WWOX: variants seen among roughly 807,000 people sequenced by gnomAD.
WWOX encodes WW domain containing oxidoreductase.
In WWOX, 69 loss-of-function variants were observed where a neutral mutation model predicts 46.2. The observed-to-expected ratio is 1.49, with a 90% CI of 1.23 to 1.82. The LOEUF is 1.82. Ranked by LOEUF, WWOX falls within the 40% of genes most tolerant of loss-of-function variation. WWOX has a pLI of 0.00. For synonymous variants in WWOX, 359 were observed against 202.6 expected, an observed-to-expected ratio of 1.77 and a Z score of -6.56; for missense variants, 919 against 542.6, an observed-to-expected ratio of 1.69 and a Z score of -6.89.
chr16:79,114,601 G>A (rs577622737), intron 8 of WWOX, among the ~76,000 whole-genome samples: 7 of 152,102 alleles, frequency 4.6e-5, no homozygotes, highest in Admixed American at 2.6e-4. Context: ...GGAGCGCAGC[G>A]CCAGAGACAC....
Position 78,129,151 on chromosome 16 carries a change from T to C in WWOX, c.409+13997T>C, listed in dbSNP as rs114528637. Reference sequence around the variant, plus strand: ...ACGAGGACCTTTTTCCTCCCAGGGTTAGCGTCGCCACTTGCCCAGTGTTTC... The same window carrying C: ...ACGAGGACCTTTTTCCTCCCAGGGTCAGCGTCGCCACTTGCCCAGTGTTTC... On this transcript the variant is annotated intron_variant, in intron 4 of 8. Coordinates refer to ENST00000566780, the MANE Select transcript of WWOX (RefSeq NM_016373.4). 8.2e-3 allele frequency among the ~76,000 whole-genome samples: 1,255 copies of C among 152,264 alleles called. 15 individuals are homozygous for C. The highest frequency in any genetic ancestry group is 0.029 in the African/African-American group (1,189 of 41,524).
intron 8 of WWOX, among the ~76,000 whole-genome samples, chr16:78,568,013 C>T (rs1597280295): frequency 6.6e-6 from 1 of 152,010 alleles, no homozygotes; most frequent in East Asian, 1.9e-4. Flanking sequence ...GTTCACTACT[C>T]CGCGAATTGA....
At chr16:79,012,340 C>A (rs929888241) in intron 8 of WWOX, among the ~76,000 whole-genome samples, 2 of 152,100 alleles carry the variant, frequency 1.3e-5, no homozygotes, top group African/African-American at 4.8e-5. Context: ...TCAAGTAATT[C>A]TCCTACCTCA....
chr16:79,058,145 C>T (rs1257814882), intron 8 of WWOX, among the ~76,000 whole-genome samples: 1 of 149,452 alleles, frequency 6.7e-6, no homozygotes, highest in Non-Finnish European at 1.5e-5. Flanking sequence ...AAAAAAACTC[C>T]TTCTTCATTT....
intron 8 of WWOX, among the ~76,000 whole-genome samples, chr16:79,011,070 T>C (rs1364893346): frequency 6.6e-6 from 1 of 152,012 alleles, no homozygotes; most frequent in Non-Finnish European, 1.5e-5. Context: ...TAAGTATACC[T>C]TTATATATGT....
intron 5 of WWOX, among the ~76,000 whole-genome samples, chr16:78,336,349 C>T (rs1395080407): frequency 7.2e-6 from 1 of 138,146 alleles, no homozygotes; most frequent in Non-Finnish European, 1.5e-5. Context: ...AAAAAAAAAC[C>T]ACAACAAATT....
rs142099757 is a variant in WWOX at position 78,529,260 on chromosome 16, C to G, written c.1056+96508C>G. On this transcript the variant is annotated intron_variant, in intron 8 of 8. Transcript: ENST00000566780. ...ATGAGCTACTGTACCCGACCAAGAA[C>G]TTTCTATTATATAGATTTTAATTAA... Among the ~76,000 whole-genome samples the G allele has an allele frequency of 5.4e-3, 817 of 152,230 alleles. 9 individuals are homozygous for G. Among genetic ancestry groups the G allele is most frequent in the African/African-American group, 0.019 (790 of 41,538 alleles).
chr16:78,713,466 A>G (rs920465031), intron 8 of WWOX, among the ~76,000 whole-genome samples: 2 of 152,070 alleles, frequency 1.3e-5, no homozygotes, highest in African/African-American at 4.8e-5. Context: ...ATGAAGCCCT[A>G]ATTCACAGTA....
rs545429478 is a variant in WWOX, at chr16:78,911,341, T to G, written c.1057-300267T>G. ...TTGACCTTTACCATAAATCACATAT[T>G]TGTAAACTGTACCCTCCTGCTGTTT... is the stretch of plus-strand genomic sequence containing the variant. On this transcript the variant is annotated intron_variant, in intron 8 of 8. Transcript: ENST00000566780. Among the ~76,000 whole-genome samples the G allele has an allele frequency of 2.6e-5, 4 of 152,184 alleles. 1 individual carries two copies. The highest frequency in any genetic ancestry group is 7.2e-5 in the African/African-American group (3 of 41,574).
At chr16:78,854,110 A>T (rs1007996899) in intron 8 of WWOX, among the ~76,000 whole-genome samples, 1 of 152,214 alleles carries the variant, frequency 6.6e-6, no homozygotes, top group African/African-American at 2.4e-5. Flanking sequence ...GTTTTTACAT[A>T]GTAGTGACTT....
At chr16:78,227,736 G>A (rs756976262) in intron 5 of WWOX, among the ~76,000 whole-genome samples, 15 of 152,070 alleles carry the variant, frequency 9.9e-5, no homozygotes, top group African/African-American at 3.4e-4. Flanking sequence ...AATTAGCCAG[G>A]TGCGGTGGCG....
At chr16:78,530,804 GCT>G (rs1481031822) in intron 8 of WWOX, among the ~76,000 whole-genome samples, 4 of 152,174 alleles carry the variant, frequency 2.6e-5, no homozygotes, top group African/African-American at 9.7e-5. Context: ...TTGGCATCTA[GCT>G]GCTGCTAGAG....
intron 8 of WWOX, among the ~76,000 whole-genome samples, chr16:79,116,112 G>A (rs2049510892): frequency 6.6e-6 from 1 of 152,200 alleles, no homozygotes; most frequent in Non-Finnish European, 1.5e-5. Context: ...ACTAAAAAAT[G>A]CTAATGATCA....
At chr16:78,960,680 G>T (rs1567440022) in intron 8 of WWOX, among the ~76,000 whole-genome samples, 1 of 152,162 alleles carries the variant, frequency 6.6e-6, no homozygotes, top group Non-Finnish European at 1.5e-5. Context: ...GGGACAATAG[G>T]TCCCTGTGCC....
At chr16:78,306,478 C>T (rs1013358486) in intron 5 of WWOX, among the ~76,000 whole-genome samples, 3 of 152,138 alleles carry the variant, frequency 2.0e-5, no homozygotes, top group African/African-American at 7.2e-5. Context: ...GGGCACCTTT[C>T]CCAAAGGCAG....
Position 78,386,925 on chromosome 16 carries a change from T to G in WWOX, c.582T>G (p.Ala194=). 1.2e-6 allele frequency: 2 copies of G among 1,614,166 alleles called. No homozygotes were observed. The highest frequency in any genetic ancestry group is 2.7e-5 in the African/African-American group (2 of 75,058). The change falls in exon 6 of 9, where the codon GCT becomes GCG. Residue 194 remains alanine (A), a synonymous_variant. Coordinates refer to ENST00000566780, the MANE Select transcript of WWOX (RefSeq NM_016373.4). ...TGCTCCGTAGCGTGCAGCATTTTGC[T>G]GAAGCATTCAAGGCCAAGAATGTGT... The part of the protein sequence containing the change: ...LALLRSVQHF[A]EAFKAKNVPL...
chr16:78,502,261 G>A (rs1211260420), intron 8 of WWOX, among the ~76,000 whole-genome samples: 1 of 152,090 alleles, frequency 6.6e-6, no homozygotes, highest in Non-Finnish European at 1.5e-5. Flanking sequence ...TGTATTCAGA[G>A]TTTGCATCCA....
At chr16:79,117,839 C>A (rs2049548316) in intron 8 of WWOX, among the ~76,000 whole-genome samples, 2 of 152,346 alleles carry the variant, frequency 1.3e-5, no homozygotes, top group South Asian at 4.1e-4. Flanking sequence ...CCCTCTCAGC[C>A]TTCACACAAT....
chr16:78,416,662 A>G (rs28620932), intron 6 of WWOX, among the ~76,000 whole-genome samples: 13,106 of 152,260 alleles, frequency 0.086, 1,618 homozygotes, highest in African/African-American at 0.28. Context: ...CATTGTTGTT[A>G]TTGAGAAGTA....
Sources: allele counts gnomAD v4.1 joint callset (sites outside exome capture counted in the v4.1 genomes callset), GRCh38; gene constraint gnomAD v4.1.1; transcripts MANE v1.5; gene names NCBI Gene and HGNC (gene_info 2026-07-23, HGNC 2026-07-21).